The following CYP2C8 variants were observed in gnomAD, a reference collection of about 807,000 sequenced individuals.
CYP2C8 encodes cytochrome P450 family 2 subfamily C member 8.
Under a neutral mutation model 41.3 loss-of-function variants are expected in CYP2C8, and 51 were observed. The ratio of observed to expected loss-of-function variants is 1.24; its 90% CI spans 0.99 to 1.56. The LOEUF is 1.56. Ranked by LOEUF, CYP2C8 falls within the 40% of genes most tolerant of loss-of-function variation. The pLI, the probability that CYP2C8 is intolerant of heterozygous loss-of-function variation, is 0.00. For missense variants in CYP2C8, 651 were observed against 579.9 expected (o/e 1.12, Z -1.26); for synonymous variants, 218 against 205.8 (o/e 1.06, Z -0.51).
intron 5 of CYP2C8, among the ~76,000 whole-genome samples, chr10:95,048,890 ACT>A (rs1391406329): frequency 2.6e-5 from 4 of 151,948 alleles, no homozygotes; most frequent in Non-Finnish European, 4.4e-5. Flanking sequence ...CCTATAAAAA[ACT>A]CTTCTGAGCA....
At chr10:95,066,777 T>C (rs1241508188) in intron 3 of CYP2C8, among the ~76,000 whole-genome samples, 1 of 152,182 alleles carries the variant, frequency 6.6e-6, no homozygotes, top group South Asian at 2.1e-4. Context: ...CACATATAAC[T>C]TGGTTCATAT....
chr10:95,058,506 G>A lies in CYP2C8; in HGVS notation c.648C>T (p.Cys216=). 1 of 1,611,290 alleles carries A rather than the reference G, an allele frequency of 6.2e-7. No individual in the cohort carries two copies. The highest frequency in any genetic ancestry group is 8.5e-7 in the Non-Finnish European group (1 of 1,178,258). ...AATCAATGAGTAGAGGGAAATTATTGCAGACCTAAAAGAGAAAAGAATATT... is the reference window on the plus strand; with the variant it reads ...AATCAATGAGTAGAGGGAAATTATTACAGACCTAAAAGAGAAAAGAATATT... ...RILNSPWIQV[C]NNFPLLIDCF... is the part of the protein sequence containing the mutation. Residue 216 remains cysteine, a synonymous_variant, in exon 5 of 9, where the codon TGC becomes TGT. Coordinates refer to ENST00000371270, the MANE Select transcript of CYP2C8 (RefSeq NM_000770.3).
At chr10:95,049,034 C>A (rs891945358) in intron 5 of CYP2C8, among the ~76,000 whole-genome samples, 1 of 152,052 alleles carries the variant, frequency 6.6e-6, no homozygotes, top group Non-Finnish European at 1.5e-5. Flanking sequence ...AACATACAAC[C>A]TACAGAATGG....
In CYP2C8 at chr10:95,045,900, C is replaced by T. The variant is rs2033098239; in HGVS notation, c.871G>A (p.Val291Ile). The T allele has an allele frequency of 6.2e-7, 1 of 1,614,056 alleles. No homozygotes were observed. The highest frequency in any genetic ancestry group is 8.5e-7 in the Non-Finnish European group (1 of 1,179,914). ...EFNIENLVGTVADLFVAGTET... is the reference protein window; with the variant it reads ...EFNIENLVGTIADLFVAGTET... ...GTTCCAGCAACAAATAGATCAGCTA[C>T]AGTGCCAACCAAGTTTTCAATATTG... is the stretch of plus-strand genomic sequence containing the variant. The change falls in exon 6 of 9, where the codon GTA becomes ATA. Residue 291 changes from valine (V) to isoleucine (I), a missense_variant. Coordinates refer to ENST00000371270, the MANE Select transcript of CYP2C8 (RefSeq NM_000770.3).
intron 4 of CYP2C8, among the ~76,000 whole-genome samples, chr10:95,060,435 C>A (rs2033403439): frequency 6.6e-6 from 1 of 152,116 alleles, no homozygotes; most frequent in African/African-American, 2.4e-5. Context: ...CATGATTTGG[C>A]TCTCTGTTTG....
rs372960611 is a variant in CYP2C8, at chr10:95,045,776, T to C, written c.961+34A>G. On this transcript the variant is annotated intron_variant, in intron 6 of 8. Transcript: ENST00000371270. ...TGGCACCATCTTCTCAGCATTGTTC[T>C]GAAATTCACTTTGTTCATCATCTGT... 6 of 1,613,508 alleles carry C rather than the reference T, an allele frequency of 3.7e-6. No individual in the cohort carries two copies. In the African/African-American group the frequency reaches 8.0e-5, roughly 22 times the overall value.
chr10:95,052,889 C>G (rs981309819), intron 5 of CYP2C8, among the ~76,000 whole-genome samples: 1 of 152,006 alleles, frequency 6.6e-6, no homozygotes, highest in African/African-American at 2.4e-5. Flanking sequence ...TGGAAAACAA[C>G]AAGGATGCTT....
chr10:95,067,742 A>G, intron 1 of CYP2C8, 51 bp from the exon 2 acceptor site: 1 of 1,536,342 alleles, frequency 6.5e-7, no homozygotes, highest in South Asian at 1.1e-5. Context: ...TTTGCTCCAA[A>G]TACTATGTAT....
chr10:95,042,270 A>G (rs2033018576), intron 7 of CYP2C8, among the ~76,000 whole-genome samples: 1 of 152,198 alleles, frequency 6.6e-6, no homozygotes, highest in Non-Finnish European at 1.5e-5. Context: ...TAGCAAAATA[A>G]TATACATAGA....
intron 4 of CYP2C8, among the ~76,000 whole-genome samples, chr10:95,060,971 C>A (rs1430550479): frequency 6.6e-6 from 1 of 152,176 alleles, no homozygotes; most frequent in Non-Finnish European, 1.5e-5. Flanking sequence ...ATTGAACCAG[C>A]CTTGCATCCC....
At chr10:95,041,649 C>T (rs546538973) in intron 7 of CYP2C8, among the ~76,000 whole-genome samples, 4 of 151,560 alleles carry the variant, frequency 2.6e-5, no homozygotes, top group Non-Finnish European at 4.4e-5. Flanking sequence ...GGCGCGGTGG[C>T]GGGCGCCTGT....
intron 3 of CYP2C8, among the ~76,000 whole-genome samples, chr10:95,066,509 T>C (rs1331062133): frequency 6.6e-6 from 1 of 152,232 alleles, no homozygotes; most frequent in Non-Finnish European, 1.5e-5. Flanking sequence ...TGCTGAGTTA[T>C]ACTATAGATT....
intron 5 of CYP2C8, among the ~76,000 whole-genome samples, chr10:95,052,394 C>T (rs2033229273): frequency 6.6e-6 from 1 of 151,932 alleles, no homozygotes; most frequent in Non-Finnish European, 1.5e-5. Flanking sequence ...AATACCAATC[C>T]TACTCAAACT....
rs565415289 is a variant in CYP2C8 at position 95,069,128 on chromosome 10, C to T, written c.168+107G>A. ...AGTTCAGAGGGAGTATTTTGCTTTACAATGATCTATTATAATAGTGTGCTT... is the reference window on the plus strand; with the variant it reads ...AGTTCAGAGGGAGTATTTTGCTTTATAATGATCTATTATAATAGTGTGCTT... On this transcript the variant is annotated intron_variant, in intron 1 of 8. Transcript: ENST00000371270. 4.5e-5 allele frequency: 58 copies of T among 1,300,780 alleles called. No homozygotes were observed. In the South Asian group the frequency reaches 6.7e-4, roughly 15 times the overall value. 80.6% of individuals were successfully genotyped at this position (1,300,780 alleles called of 1,614,324 possible).
intron 5 of CYP2C8, among the ~76,000 whole-genome samples, chr10:95,053,311 G>A (rs1199267144): frequency 6.6e-6 from 1 of 152,162 alleles, no homozygotes. Flanking sequence ...CTTTTACACT[G>A]TTGGTGGGAG....
chr10:95,055,621 C>A (rs973940316), intron 5 of CYP2C8, among the ~76,000 whole-genome samples: 1 of 152,094 alleles, frequency 6.6e-6, no homozygotes, highest in African/African-American at 2.4e-5. Context: ...ATAAACTGGG[C>A]CTCACCAAAT....
In CYP2C8 at chr10:95,066,153, A is replaced by AGTGTGT. The variant is rs113983526; in HGVS notation, c.481+1049_481+1054dup. On this transcript the variant is annotated intron_variant, in intron 3 of 8. Transcript: ENST00000371270. ...GAGAGAGAGAGAGAGAGAGAGAGAG[A>AGTGTGT]GTGTGTGTGTGTGTGTGTGTGTGTG... Among the ~76,000 whole-genome samples the AGTGTGT allele has an allele frequency of 6.4e-3, 565 of 88,222 alleles. 6 individuals are homozygous for AGTGTGT. The highest frequency in any genetic ancestry group is 7.3e-3 in the Non-Finnish European group (319 of 43,630). The allele number at this position is 88,222 out of a possible 152,430, so 57.9% of individuals were successfully genotyped here.
chr10:95,059,618 C>A (rs1353343906), intron 4 of CYP2C8, among the ~76,000 whole-genome samples: 1 of 152,128 alleles, frequency 6.6e-6, no homozygotes, highest in Non-Finnish European at 1.5e-5. Context: ...ATGGTAGTTT[C>A]TTTTGCTTTG....
At chr10:95,042,028 T>G (rs1196623793) in intron 7 of CYP2C8, among the ~76,000 whole-genome samples, 1 of 152,172 alleles carries the variant, frequency 6.6e-6, no homozygotes, top group East Asian at 1.9e-4. Context: ...TAAATGAAGT[T>G]AAATAAAAGT....
Sources: allele counts gnomAD v4.1 joint callset (sites outside exome capture counted in the v4.1 genomes callset), GRCh38; gene constraint gnomAD v4.1.1; transcripts MANE v1.5; gene names NCBI Gene and HGNC (gene_info 2026-07-23, HGNC 2026-07-21).